DLGAP4: variants seen among roughly 807,000 people sequenced by gnomAD.
DLGAP4 encodes the protein disks large-associated protein 4.
DLGAP4 carries 18 observed loss-of-function variants against 86.9 expected under a neutral mutation model. The ratio of observed to expected loss-of-function variants is 0.21; its 90% CI spans 0.14 to 0.31. The LOEUF (loss-of-function observed/expected upper bound fraction) is 0.31, where lower values mean the gene tolerates loss of function less well. Among genes scored for constraint, DLGAP4 ranks in the 10% least tolerant of loss-of-function variants. The pLI, the probability that DLGAP4 is intolerant of heterozygous loss-of-function variation, is 1.00. For synonymous variants in DLGAP4, 548 were observed against 574.3 expected (o/e 0.95, Z 0.65); for missense variants, 1,085 against 1,362.6 (o/e 0.80, Z 3.21).
rs1041582321 is a variant in DLGAP4, at chr20:36,393,424, G to A, written c.-73+26149G>A. On this transcript the variant is annotated intron_variant, in intron 2 of 12. Coordinates refer to ENST00000339266, the MANE Select transcript of DLGAP4 (RefSeq NM_001365621.2). This position sits in a 1 kb window ranked among gnomAD's most constrained non-coding sequence, Gnocchi z 4.4. Reference sequence around the variant, plus strand: ...ACAATAAAATTAATCCCTGTCCCCCGGCTGCTAACTTACGAAGTGCTGGGC... The same window carrying A: ...ACAATAAAATTAATCCCTGTCCCCCAGCTGCTAACTTACGAAGTGCTGGGC... Among the ~76,000 whole-genome samples the A allele has an allele frequency of 4.6e-5, 7 of 152,116 alleles. No homozygotes were observed. The highest frequency in any genetic ancestry group is 7.4e-5 in the Non-Finnish European group (5 of 68,006).
At position 36,383,059 on chromosome 20, in the gene DLGAP4, A is replaced by T. The variant is rs1236271145; in HGVS notation, c.-73+15784A>T. 5.3e-5 allele frequency among the ~76,000 whole-genome samples: 8 copies of T among 152,274 alleles called. No homozygotes were observed. The East Asian group carries it at 1.2e-3, about 22-fold the overall frequency. The stretch of plus-strand genomic sequence containing the variant: ...ATCTTAATGCACCACAACTCTGAGG[A>T]GGTGGCCTTCTTCCCATGTATCAGA... On this transcript the variant is annotated intron_variant, in intron 2 of 12. Coordinates refer to ENST00000339266, the MANE Select transcript of DLGAP4 (RefSeq NM_001365621.2).
intron 1 of DLGAP4, among the ~76,000 whole-genome samples, chr20:36,353,090 G>T (rs2030211265): frequency 6.6e-6 from 1 of 152,140 alleles, no homozygotes; most frequent in Non-Finnish European, 1.5e-5. Context: ...ATCTCCCATG[G>T]AGATGCTGGG....
At chr20:36,487,065 C>T (rs555830298) in intron 7 of DLGAP4, among the ~76,000 whole-genome samples, 2 of 152,216 alleles carry the variant, frequency 1.3e-5, no homozygotes, top group East Asian at 1.9e-4. Context: ...GGTGGAGAGA[C>T]GCTGGTCTCT....
intron 1 of DLGAP4, among the ~76,000 whole-genome samples, chr20:36,339,983 A>G (rs1385698338): frequency 2.6e-5 from 4 of 152,214 alleles, no homozygotes; most frequent in African/African-American, 9.6e-5. Context: ...AGGCTAAGGC[A>G]GCCGCAGAGC....
intron 7 of DLGAP4, among the ~76,000 whole-genome samples, chr20:36,491,303 A>G (rs1569517693): frequency 6.6e-6 from 1 of 152,150 alleles, no homozygotes; most frequent in Non-Finnish European, 1.5e-5. Context: ...GCTTCTCTAG[A>G]AGAAGCAAGG....
At chr20:36,513,637 CAAATG>C (rs1372034307) in intron 10 of DLGAP4, among the ~76,000 whole-genome samples, 1 of 150,072 alleles carries the variant, frequency 6.7e-6, no homozygotes, top group East Asian at 2.0e-4. Context: ...CATTGGCACA[CAAATG>C]GAAGCTGGGA....
chr20:36,462,210 A>C (rs557117737), intron 7 of DLGAP4: 34 of 1,116,846 alleles, frequency 3.0e-5, no homozygotes, highest in Middle Eastern at 3.8e-4. Flanking sequence ...GGACCCCCCA[A>C]TATGTCCTCA....
chr20:36,497,067 G>A lies in DLGAP4; in HGVS notation c.2010+1G>A. ...GAAACTGTCATCGATAGGAATACAA[G>A]TAGGGGCTCCTTTTGCACTCTGTGT... On this transcript the variant is annotated splice_donor_variant, in intron 8 of 12. Coordinates refer to ENST00000339266, the MANE Select transcript of DLGAP4 (RefSeq NM_001365621.2). LOFTEE classifies it high-confidence loss of function. 6.3e-7 allele frequency: 1 copy of A among 1,589,656 alleles called. No homozygotes were observed. The highest frequency in any genetic ancestry group is 8.6e-7 in the Non-Finnish European group (1 of 1,165,850).
At chr20:36,387,505 A>G (rs1415928734) in intron 2 of DLGAP4, among the ~76,000 whole-genome samples, 1 of 152,210 alleles carries the variant, frequency 6.6e-6, no homozygotes, top group Non-Finnish European at 1.5e-5. Flanking sequence ...CTTTGGGGGT[A>G]GTAAAATTTA....
At chr20:36,351,396 T>C (rs1298201562) in intron 1 of DLGAP4, among the ~76,000 whole-genome samples, 2 of 152,022 alleles carry the variant, frequency 1.3e-5, no homozygotes, top group Non-Finnish European at 2.9e-5. Flanking sequence ...TCGATTCTCA[T>C]AGGAGCTCGA....
intron 2 of DLGAP4, among the ~76,000 whole-genome samples, chr20:36,396,739 A>T (rs1468063377): frequency 1.3e-5 from 2 of 151,860 alleles, no homozygotes; most frequent in Non-Finnish European, 2.9e-5. Flanking sequence ...GGGCCTATTG[A>T]AGACTTCTCA....
chr20:36,396,229 G>T (rs1192310468), intron 2 of DLGAP4, among the ~76,000 whole-genome samples: 1 of 151,742 alleles, frequency 6.6e-6, no homozygotes, highest in East Asian at 1.9e-4. Flanking sequence ...AGTGCAGTGA[G>T]TGGGGTTACT....
At chr20:36,520,877 G>C in intron 10 of DLGAP4, among the ~76,000 whole-genome samples, 1 of 152,056 alleles carries the variant, frequency 6.6e-6, no homozygotes, top group East Asian at 1.9e-4. Flanking sequence ...CTGTTACCCA[G>C]GCCGGAGTGC....
chr20:36,510,329 T>A (rs1374823304), intron 10 of DLGAP4, among the ~76,000 whole-genome samples: 3 of 151,926 alleles, frequency 2.0e-5, no homozygotes, highest in Non-Finnish European at 4.4e-5. Flanking sequence ...AGTGGCATGA[T>A]CTCAGCTCAC....
chr20:36,499,412 C>T, intron 8 of DLGAP4, 176 bp from the exon 9 acceptor site: 14 of 1,438,636 alleles, frequency 9.7e-6, no homozygotes, highest in Non-Finnish European at 1.3e-5. Flanking sequence ...TGAGCAGTGC[C>T]CGGCTTAACC....
At chr20:36,382,415 CTG>C (rs2031427962) in intron 2 of DLGAP4, among the ~76,000 whole-genome samples, 1 of 151,782 alleles carries the variant, frequency 6.6e-6, no homozygotes, top group African/African-American at 2.4e-5. Context: ...AGGGTAGAGA[CTG>C]AGTACTGCTT....
intron 9 of DLGAP4, 51 bp downstream of exon 9, chr20:36,499,727 C>T (rs142853726): frequency 6.8e-7 from 1 of 1,467,804 alleles, no homozygotes; most frequent in South Asian, 1.2e-5. Flanking sequence ...CTCCCTCCCT[C>T]CGCTCTCACC....
rs72014350 is a variant in DLGAP4 at position 36,406,397 on chromosome 20, C to CAA, written c.-72-25230_-72-25229dup. Among the ~76,000 whole-genome samples, 1,006 of 110,074 alleles carry CAA rather than the reference C, an allele frequency of 9.1e-3. 24 individuals are homozygous for CAA. Among genetic ancestry groups the CAA allele is most frequent in the African/African-American group, 0.027 (770 of 28,030 alleles). 72.2% of individuals were successfully genotyped at this position (110,074 alleles called of 152,430 possible). A position where few individuals can be genotyped will look rare whatever the true frequency, so the allele number is the denominator to read the frequency against. On this transcript the variant is annotated intron_variant, in intron 2 of 12. Transcript: ENST00000339266. ...TGGGTGACAGAGCGAGACTCCACCT[C>CAA]AAAAAAAAAAAAAAAAAAAATTCAC...
At chr20:36,375,319 G>A (rs578128208) in intron 2 of DLGAP4, among the ~76,000 whole-genome samples, 38 of 152,230 alleles carry the variant, frequency 2.5e-4, no homozygotes, top group Admixed American at 9.2e-4. Context: ...AATGTTTTGT[G>A]ACTGTTTTGA....
Sources: gnomAD v4.1 joint callset for allele counts (sites outside exome capture counted in the v4.1 genomes callset) on GRCh38, gnomAD v4.1.1 for gene constraint, Gnocchi (gnomAD v3.1) non-coding constraint, MANE v1.5 for transcripts, NCBI Gene and HGNC (gene_info 2026-07-23, HGNC 2026-07-21) for gene names.